Variants in PCDH9 observed in about 807,000 individuals in gnomAD.
The protein encoded by PCDH9 is protocadherin-9.
Under a neutral mutation model 70.6 loss-of-function variants are expected in PCDH9, and 24 were observed. The observed-to-expected ratio is 0.34, with a 90% CI of 0.25 to 0.48. The LOEUF (loss-of-function observed/expected upper bound fraction) is 0.48. PCDH9 is among the 20% of genes least tolerant of loss of function. PCDH9 has a pLI of 0.99. For synonymous variants in PCDH9, 562 were observed against 558.5 expected (o/e 1.01, Z -0.09); for missense variants, 1,281 against 1,503.6 (o/e 0.85, Z 2.45).
intron 2 of PCDH9, among the ~76,000 whole-genome samples, chr13:67,152,926 A>C (rs2087698988): frequency 6.6e-6 from 1 of 152,086 alleles, no homozygotes. Context: ...TCTTTCTAAA[A>C]CGCATAGAGG....
chr13:67,193,279 A>C (rs1020183242), intron 2 of PCDH9, among the ~76,000 whole-genome samples: 1 of 151,784 alleles, frequency 6.6e-6, no homozygotes, highest in Non-Finnish European at 1.5e-5. Context: ...TTGAAGGTTT[A>C]GTTCTTGGTC....
At chr13:66,884,256 A>G (rs2081970660) in intron 3 of PCDH9, among the ~76,000 whole-genome samples, 1 of 152,062 alleles carries the variant, frequency 6.6e-6, no homozygotes, top group African/African-American at 2.4e-5. Flanking sequence ...ATTATTTAAG[A>G]TAGTTCTTAA....
chr13:66,392,553 C>A (rs1957036693), intron 4 of PCDH9, among the ~76,000 whole-genome samples: 1 of 152,092 alleles, frequency 6.6e-6, no homozygotes, highest in East Asian at 1.9e-4. Flanking sequence ...TTCAGTTATT[C>A]TTTAAATTTA....
intron 4 of PCDH9, among the ~76,000 whole-genome samples, chr13:66,596,969 A>G (rs1004133508): frequency 6.6e-6 from 1 of 151,390 alleles, no homozygotes; most frequent in African/African-American, 2.4e-5. Context: ...GTATAGCGTT[A>G]GGTAGGGGTC....
At chr13:66,941,603 C>G (rs896157811) in intron 2 of PCDH9, among the ~76,000 whole-genome samples, 5 of 151,894 alleles carry the variant, frequency 3.3e-5, no homozygotes, top group African/African-American at 9.6e-5. Context: ...CCAGAGTGGG[C>G]ATGCTAATAA....
chr13:66,779,849 C>CTCTCTCTCTCTCTCTATATA (rs1395244975), intron 3 of PCDH9, among the ~76,000 whole-genome samples: 1 of 78,920 alleles, frequency 1.3e-5, no homozygotes, highest in African/African-American at 5.2e-5. Context: ...CTCTCTCTCT[C>CTCTCTCTCTCTCTCTATATA]TATATATATA....
intron 4 of PCDH9, among the ~76,000 whole-genome samples, chr13:66,313,536 C>A (rs111609682): frequency 6.6e-6 from 1 of 152,112 alleles, no homozygotes; most frequent in Non-Finnish European, 1.5e-5. Context: ...ATATTTTGTC[C>A]CCTTTAAAAA....
At chr13:66,790,575 A>G (rs772757643) in intron 3 of PCDH9, among the ~76,000 whole-genome samples, 5 of 152,098 alleles carry the variant, frequency 3.3e-5, no homozygotes, top group Non-Finnish European at 7.4e-5. Context: ...TAATTCATCT[A>G]TAATTGATTT....
At chr13:66,925,940 C>A (rs1594268443) in intron 2 of PCDH9, among the ~76,000 whole-genome samples, 1 of 151,860 alleles carries the variant, frequency 6.6e-6, no homozygotes, top group South Asian at 2.1e-4. Flanking sequence ...GTTATATTTC[C>A]ACAGATTATT....
chr13:66,631,177 C>G (rs754354582), intron 4 of PCDH9, 33 bp downstream of exon 4: 2 of 1,126,838 alleles, frequency 1.8e-6, no homozygotes, highest in Non-Finnish European at 2.7e-6. Flanking sequence ...ACCAGAACAA[C>G]TCCAAGCAAT....
At chr13:66,942,826 T>A (rs1184943970) in intron 2 of PCDH9, among the ~76,000 whole-genome samples, 1 of 152,106 alleles carries the variant, frequency 6.6e-6, no homozygotes, top group Non-Finnish European at 1.5e-5. Flanking sequence ...GTTTTTCTGG[T>A]TTATTCCTTA....
chr13:66,964,040 A>G lies in PCDH9; in HGVS notation c.3037-60435T>C, dbSNP rs1056254306. On this transcript the variant is annotated intron_variant, in intron 2 of 4. Coordinates refer to ENST00000377865, the MANE Select transcript of PCDH9 (RefSeq NM_203487.3). ...AATAATAAAACAAATAATAGATTAG[A>G]TCTATGTGGATAATTTATGAGTTCT... 1.3e-4 allele frequency among the ~76,000 whole-genome samples: 20 copies of G among 152,256 alleles called. No homozygotes were observed. The East Asian group carries it at 1.4e-3, about 10-fold the overall frequency.
chr13:66,367,097 T>G (rs1208624373), intron 4 of PCDH9, among the ~76,000 whole-genome samples: 1 of 152,174 alleles, frequency 6.6e-6, no homozygotes, highest in Non-Finnish European at 1.5e-5. Flanking sequence ...TTTAATTTAT[T>G]TGTACATTTA....
intron 4 of PCDH9, among the ~76,000 whole-genome samples, chr13:66,591,977 T>A (rs935367694): frequency 2.0e-5 from 3 of 151,592 alleles, no homozygotes; most frequent in African/African-American, 7.3e-5. Context: ...GAAAGAAAAT[T>A]GAAAACATCT....
chr13:66,406,739 A>T (rs1957287199), intron 4 of PCDH9, among the ~76,000 whole-genome samples: 1 of 152,202 alleles, frequency 6.6e-6, no homozygotes, highest in South Asian at 2.1e-4. Context: ...AATCATCAGC[A>T]CCTAGATGGT....
At chr13:66,385,270 T>A (rs1386475603) in intron 4 of PCDH9, among the ~76,000 whole-genome samples, 1 of 152,158 alleles carries the variant, frequency 6.6e-6, no homozygotes, top group Non-Finnish European at 1.5e-5. Flanking sequence ...GTTTTAAAAC[T>A]TCATAAAATC....
At position 67,227,656 on chromosome 13, in the gene PCDH9, G is replaced by A; in HGVS notation, c.785C>T (p.Pro262Leu). ...FKEGQVEVHI[P>L]ENAPVGTSVI... ...AGAGGTACCTACGGGAGCATTCTCT[G>A]GAATATGCACCTCCACTTGACCCTC... The change falls in exon 2 of 5, where the codon CCA (proline) becomes CTA (leucine). Residue 262 changes from proline to leucine, a missense_variant. By Grantham distance (98) the Pro-to-Leu change is moderately conservative. Around this residue, in one of 4 missense-constraint regions of PCDH9, gnomAD observed 798 missense variants for 1,003.1 expected, o/e 0.80. Transcript: ENST00000377865. The surrounding 1 kb of genome is among the most constrained non-coding windows in gnomAD (Gnocchi z 4.6). 1.2e-6 allele frequency: 2 copies of A among 1,612,970 alleles called. No individual in the cohort carries two copies. Among genetic ancestry groups the A allele is most frequent in the Non-Finnish European group, 1.7e-6 (2 of 1,178,958 alleles).
At position 67,139,804 on chromosome 13, in the gene PCDH9, TTTCA is replaced by T. The variant is rs764249426; in HGVS notation, c.3036+85597_3036+85600del. Among the ~76,000 whole-genome samples, 10 of 152,300 alleles carry T rather than the reference TTTCA, an allele frequency of 6.6e-5. No homozygotes were observed. The East Asian group carries it at 1.7e-3, about 26-fold the overall frequency. ...AACCCTTGAAATAAAGTCATTATGT[TTTCA>T]TTAAGTCCAAAGCAGTTCACATCAG... On this transcript the variant is annotated intron_variant, in intron 2 of 4. Transcript: ENST00000377865.
chr13:66,838,415 T>C (rs1053173100), intron 3 of PCDH9, among the ~76,000 whole-genome samples: 1 of 152,020 alleles, frequency 6.6e-6, no homozygotes, highest in Non-Finnish European at 1.5e-5. Context: ...TGGAAAAAAA[T>C]AAGGTCTGAA....
Sources: gnomAD v4.1 joint callset for allele counts (sites outside exome capture counted in the v4.1 genomes callset) on GRCh38, gnomAD v4.1.1 for gene constraint, gnomAD v4.1.1 regional missense constraint, Gnocchi (gnomAD v3.1) non-coding constraint, MANE v1.5 for transcripts, NCBI Gene and HGNC (gene_info 2026-07-23, HGNC 2026-07-21) for gene names.